ROCK2: variants seen among roughly 807,000 people sequenced by gnomAD.
ROCK2 encodes the protein Rho associated coiled-coil containing protein kinase 2.
A neutral mutation model predicts 195.1 loss-of-function variants in ROCK2; 61 were observed. That is an observed-to-expected ratio of 0.31 (90% confidence interval 0.25 to 0.39). ROCK2 has a LOEUF of 0.39. Among genes scored for constraint, ROCK2 ranks in the 10% least tolerant of loss-of-function variants. The pLI is 1.00. For synonymous variants in ROCK2, 504 were observed against 545.5 expected (o/e 0.92, Z 1.06); for missense variants, 1,109 against 1,637.4 (o/e 0.68, Z 5.57).
rs184226324 is a variant in ROCK2 at position 11,343,173 on chromosome 2, A to G, written c.141+823T>C. On this transcript the variant is annotated intron_variant, in intron 1 of 32. Coordinates refer to ENST00000315872, the MANE Select transcript of ROCK2 (RefSeq NM_004850.5). ...ACCCCCTTTTCCCATAAATGCATCT[A>G]CACTGCACACTACTCAAATTGCGAA... 1.2e-4 allele frequency among the ~76,000 whole-genome samples: 18 copies of G among 152,286 alleles called. No homozygotes were observed. The East Asian group carries it at 2.1e-3, about 18-fold the overall frequency.
At chr2:11,340,370 A>G (rs967643062) in intron 1 of ROCK2, among the ~76,000 whole-genome samples, 6 of 152,348 alleles carry the variant, frequency 3.9e-5, no homozygotes, top group Admixed American at 3.3e-4. Flanking sequence ...TGGGTTTTTT[A>G]TATATCAAAA....
At chr2:11,240,091 A>G (rs1460072774) in intron 4 of ROCK2, among the ~76,000 whole-genome samples, 1 of 152,226 alleles carries the variant, frequency 6.6e-6, no homozygotes, top group Non-Finnish European at 1.5e-5. Context: ...GTCAGTATCC[A>G]GAGTTTCTAT....
At chr2:11,196,498 A>G (rs182737124) in intron 27 of ROCK2, among the ~76,000 whole-genome samples, 37 of 152,372 alleles carry the variant, frequency 2.4e-4, no homozygotes, top group African/African-American at 8.4e-4. Context: ...CAATTATAAC[A>G]GCAATGCCAT....
At chr2:11,256,730 A>G (rs1161893393) in intron 3 of ROCK2, among the ~76,000 whole-genome samples, 1 of 151,388 alleles carries the variant, frequency 6.6e-6, no homozygotes, top group Non-Finnish European at 1.5e-5. Context: ...AGAGTATTAT[A>G]AGAGATAAGG....
intron 3 of ROCK2, among the ~76,000 whole-genome samples, chr2:11,258,472 C>T (rs1199315645): frequency 2.6e-5 from 4 of 151,444 alleles, no homozygotes; most frequent in South Asian, 2.1e-4. Flanking sequence ...CCATATTATT[C>T]GTGAATCCCA....
chr2:11,228,019 C>G (rs945836672), intron 5 of ROCK2, among the ~76,000 whole-genome samples: 1 of 152,162 alleles, frequency 6.6e-6, no homozygotes, highest in African/African-American at 2.4e-5. Context: ...AACCACTTAT[C>G]TGTGTTTAGT....
At chr2:11,282,551 C>T (rs2148186108) in intron 3 of ROCK2, among the ~76,000 whole-genome samples, 1 of 140,160 alleles carries the variant, frequency 7.1e-6, no homozygotes, top group Non-Finnish European at 1.5e-5. Flanking sequence ...GACAAAGGAG[C>T]AGAGGCAATA....
At chr2:11,236,942 GGAGTTCGAGACCA>G (rs1665230199) in intron 4 of ROCK2, among the ~76,000 whole-genome samples, 1 of 152,196 alleles carries the variant, frequency 6.6e-6, no homozygotes, top group African/African-American at 2.4e-5. Context: ...CCTGAGGTCA[GGAGTTCGAGACCA>G]GCCTGGCCAA....
chr2:11,300,645 C>T (rs1667674576), intron 1 of ROCK2, among the ~76,000 whole-genome samples: 1 of 152,182 alleles, frequency 6.6e-6, no homozygotes, highest in Non-Finnish European at 1.5e-5. Flanking sequence ...TTTTCTTACA[C>T]TCAAAATGGA....
intron 3 of ROCK2, among the ~76,000 whole-genome samples, chr2:11,279,262 C>T (rs1013111531): frequency 6.6e-6 from 1 of 151,784 alleles, no homozygotes; most frequent in Non-Finnish European, 1.5e-5. Context: ...GAAAAAAGAC[C>T]CAACTATATT....
At chr2:11,194,915 A>G (rs756868423) in intron 28 of ROCK2, 40 bp downstream of exon 28, 2 of 1,249,874 alleles carry the variant, frequency 1.6e-6, no homozygotes, top group Non-Finnish European at 2.3e-6. Flanking sequence ...GTTAAAACAA[A>G]AACAAAAACA....
chr2:11,202,427 C>T (rs887171865), intron 20 of ROCK2, among the ~76,000 whole-genome samples: 1 of 151,722 alleles, frequency 6.6e-6, no homozygotes, highest in African/African-American at 2.4e-5. Flanking sequence ...TAACACAATA[C>T]AAATCATTAG....
chr2:11,239,312 T>C (rs752791441), intron 4 of ROCK2, among the ~76,000 whole-genome samples: 2 of 152,096 alleles, frequency 1.3e-5, no homozygotes, highest in Non-Finnish European at 2.9e-5. Flanking sequence ...ACAAGTGATA[T>C]ATATATAGCA....
rs1663067908 is a variant in ROCK2, at chr2:11,183,159, G to T, written c.*278C>A. Reference sequence around the variant, plus strand: ...TCAATCCTTGTGTGCATTGTAGTGTGAGCGACTGCCGAGAGAGCTTTATGG... The same window carrying T: ...TCAATCCTTGTGTGCATTGTAGTGTTAGCGACTGCCGAGAGAGCTTTATGG... On this transcript the variant is annotated 3_prime_UTR_variant, in exon 33 of 33. Coordinates refer to ENST00000315872, the MANE Select transcript of ROCK2 (RefSeq NM_004850.5). 3.0e-6 allele frequency: 1 copy of T among 334,082 alleles called. No individual in the cohort carries two copies. Among genetic ancestry groups the T allele is most frequent in the Non-Finnish European group, 5.6e-6 (1 of 179,722 alleles). The allele number at this position is 334,082 out of a possible 1,614,324, so 20.7% of individuals were successfully genotyped here. A position where few individuals can be genotyped will look rare whatever the true frequency, so the allele number is the denominator to read the frequency against.
chr2:11,214,737 G>T, intron 16 of ROCK2, 103 bp downstream of exon 16: 1 of 1,031,518 alleles, frequency 9.7e-7, no homozygotes, highest in Non-Finnish European at 1.4e-6. Context: ...TTACATAATA[G>T]TATATTCAGA....
At chr2:11,281,193 C>A in intron 3 of ROCK2, among the ~76,000 whole-genome samples, 1 of 140,226 alleles carries the variant, frequency 7.1e-6, no homozygotes, top group Non-Finnish European at 1.5e-5. Flanking sequence ...ACAAATCCAA[C>A]ACCCACTCAT....
intron 1 of ROCK2, among the ~76,000 whole-genome samples, chr2:11,337,342 C>T (rs1038777043): frequency 6.6e-6 from 1 of 150,754 alleles, no homozygotes; most frequent in East Asian, 1.9e-4. Context: ...TCTTTATATA[C>T]AAAAGAACTT....
chr2:11,272,772 A>C (rs1210370937), intron 3 of ROCK2, among the ~76,000 whole-genome samples: 1 of 150,948 alleles, frequency 6.6e-6, no homozygotes, highest in Non-Finnish European at 1.5e-5. Flanking sequence ...CGGGAGGCTG[A>C]GGCAGGGAAA....
chr2:11,342,964 G>A (rs184394678), intron 1 of ROCK2, among the ~76,000 whole-genome samples: 36 of 152,318 alleles, frequency 2.4e-4, no homozygotes, highest in African/African-American at 8.7e-4. Flanking sequence ...AAAGGGAGGA[G>A]GCAGTTTTTC....
Sources: gnomAD v4.1 joint callset for allele counts (sites outside exome capture counted in the v4.1 genomes callset) on GRCh38, gnomAD v4.1.1 for gene constraint, MANE v1.5 for transcripts, NCBI Gene and HGNC (gene_info 2026-07-23, HGNC 2026-07-21) for gene names.